Variants in LPGAT1 observed in about 807,000 individuals in gnomAD.
The protein encoded by LPGAT1 is lysophosphatidylglycerol acyltransferase 1.
A neutral mutation model predicts 47.5 loss-of-function variants in LPGAT1; 11 were observed. The observed-to-expected ratio is 0.23, with a 90% CI of 0.15 to 0.38. The LOEUF is 0.38. LPGAT1 is among the 10% of genes least tolerant of loss of function. The probability of loss-of-function intolerance (pLI) is 1.00; values close to 1 mark genes in which losing one functional copy is unlikely to be tolerated. For synonymous variants in LPGAT1, 138 were observed against 144.2 expected, an observed-to-expected ratio of 0.96 and a Z score of 0.31; for missense variants, 293 against 439.0, an observed-to-expected ratio of 0.67 and a Z score of 2.97.
chr1:211,771,098 C>CAA (rs370445381), intron 6 of LPGAT1, among the ~76,000 whole-genome samples: 119 of 95,438 alleles, frequency 1.2e-3, no homozygotes, highest in South Asian at 3.0e-3. Flanking sequence ...GACACTATCT[C>CAA]AAAAAAAAAA....
At chr1:211,755,643 C>T (rs1344663236) in intron 6 of LPGAT1, among the ~76,000 whole-genome samples, 2 of 151,202 alleles carry the variant, frequency 1.3e-5, no homozygotes, top group Admixed American at 6.6e-5. Flanking sequence ...TGGTGTCTCA[C>T]ACCTGTAATC....
At chr1:211,762,287 A>G (rs1657730451) in intron 6 of LPGAT1, among the ~76,000 whole-genome samples, 1 of 152,260 alleles carries the variant, frequency 6.6e-6, no homozygotes, top group African/African-American at 2.4e-5. Flanking sequence ...TGGGTTTACC[A>G]GTTGAATTCA....
chr1:211,820,284 A>G (rs1351009140), intron 2 of LPGAT1, among the ~76,000 whole-genome samples: 4 of 152,224 alleles, frequency 2.6e-5, no homozygotes, highest in African/African-American at 7.2e-5. Flanking sequence ...TCACAAGGAA[A>G]AAAAGGTAAC....
chr1:211,802,163 G>A (rs1659601401), intron 2 of LPGAT1, among the ~76,000 whole-genome samples: 1 of 151,482 alleles, frequency 6.6e-6, no homozygotes, highest in South Asian at 2.1e-4. Context: ...CTTCTTTGGA[G>A]TTTTCACTTC....
At chr1:211,769,147 G>A (rs1658059036) in intron 6 of LPGAT1, among the ~76,000 whole-genome samples, 1 of 152,114 alleles carries the variant, frequency 6.6e-6, no homozygotes, top group Non-Finnish European at 1.5e-5. Context: ...AGCGGACAAA[G>A]GTAAAAATAG....
At chr1:211,813,853 C>G (rs538760423) in intron 2 of LPGAT1, among the ~76,000 whole-genome samples, 1 of 152,250 alleles carries the variant, frequency 6.6e-6, no homozygotes, top group Non-Finnish European at 1.5e-5. Flanking sequence ...AAGAAAGAAC[C>G]ACAACCCCTG....
intron 6 of LPGAT1, among the ~76,000 whole-genome samples, chr1:211,767,406 G>A (rs1319090463): frequency 6.6e-6 from 1 of 152,160 alleles, no homozygotes; most frequent in Non-Finnish European, 1.5e-5. Context: ...AAAGTGCTGG[G>A]ATTACAGGCA....
chr1:211,799,368 G>T (rs1237876817), intron 2 of LPGAT1, among the ~76,000 whole-genome samples: 1 of 152,034 alleles, frequency 6.6e-6, no homozygotes, highest in Non-Finnish European at 1.5e-5. Flanking sequence ...ATTATTTTCT[G>T]ATTTAATCTT....
chr1:211,770,781 T>C lies in LPGAT1; in HGVS notation c.854+8137A>G, dbSNP rs373682988. On this transcript the variant is annotated intron_variant, in intron 6 of 7. Coordinates refer to ENST00000366997, the MANE Select transcript of LPGAT1 (RefSeq NM_014873.3). Reference sequence around the variant, plus strand: ...CTCCCAGTCCTACTAGCTCCATATATAGTAGGCGTATCATTTTAAGACTCT... The same window carrying C: ...CTCCCAGTCCTACTAGCTCCATATACAGTAGGCGTATCATTTTAAGACTCT... Among the ~76,000 whole-genome samples, 46 of 152,274 alleles carry C rather than the reference T, an allele frequency of 3.0e-4. 1 individual carries two copies. In the South Asian group the frequency reaches 8.9e-3, roughly 29 times the overall value.
chr1:211,794,591 C>T (rs750676428), intron 2 of LPGAT1, among the ~76,000 whole-genome samples: 6 of 152,198 alleles, frequency 3.9e-5, no homozygotes, highest in Non-Finnish European at 8.8e-5. Flanking sequence ...CAGACATGAG[C>T]CACTGCACTC....
intron 6 of LPGAT1, among the ~76,000 whole-genome samples, chr1:211,756,410 A>G (rs942234790): frequency 6.6e-6 from 1 of 152,152 alleles, no homozygotes; most frequent in Non-Finnish European, 1.5e-5. Context: ...AGCTCACAGC[A>G]GCCTTGACTT....
intron 7 of LPGAT1, among the ~76,000 whole-genome samples, chr1:211,750,698 C>T (rs1657141767): frequency 6.6e-6 from 1 of 152,088 alleles, no homozygotes; most frequent in Non-Finnish European, 1.5e-5. Flanking sequence ...TCTTTAAATT[C>T]GTTTCTGGAA....
chr1:211,817,362 C>T (rs1393876693), intron 2 of LPGAT1, among the ~76,000 whole-genome samples: 18 of 152,084 alleles, frequency 1.2e-4, no homozygotes, highest in Admixed American at 1.2e-3. Context: ...ACCTAAGGTC[C>T]GGAGTTCGAG....
At chr1:211,828,613 G>C (rs1469974149) in intron 2 of LPGAT1, among the ~76,000 whole-genome samples, 1 of 152,136 alleles carries the variant, frequency 6.6e-6, no homozygotes, top group Non-Finnish European at 1.5e-5. Context: ...AAGGCTAACA[G>C]TACAATATCA....
At chr1:211,784,126 C>G (rs1165843461) in intron 4 of LPGAT1, among the ~76,000 whole-genome samples, 1 of 152,050 alleles carries the variant, frequency 6.6e-6, no homozygotes, top group Non-Finnish European at 1.5e-5. Context: ...GCCAGTGTGG[C>G]TGAAGTGTGA....
At position 211,830,008 on chromosome 1, in the gene LPGAT1, C is replaced by T; in HGVS notation, c.-28+565G>A. 2 of 985,770 alleles carry T rather than the reference C, an allele frequency of 2.0e-6. No individual in the cohort carries two copies. Among genetic ancestry groups the T allele is most frequent in the Admixed American group, 6.1e-5 (1 of 16,274 alleles). The allele number at this position is 985,770 out of a possible 1,614,324, so 61.1% of individuals were successfully genotyped here. A position where few individuals can be genotyped will look rare whatever the true frequency, so the allele number is the denominator to read the frequency against. ...AGCAAAAGCCAGAAAGAGGTAAAAGCCAAGGAACTGGGGATGAAGAGAATG... is the reference window on the plus strand; with the variant it reads ...AGCAAAAGCCAGAAAGAGGTAAAAGTCAAGGAACTGGGGATGAAGAGAATG... On this transcript the variant is annotated intron_variant, in intron 1 of 7. Transcript: ENST00000366997. The surrounding 1 kb of genome is among the most constrained non-coding windows in gnomAD (Gnocchi z 5.9).
At chr1:211,760,768 C>T (rs949593207) in intron 6 of LPGAT1, among the ~76,000 whole-genome samples, 4 of 152,166 alleles carry the variant, frequency 2.6e-5, no homozygotes, top group South Asian at 2.1e-4. Context: ...TAATACATTA[C>T]GGTTCTAGAC....
intron 3 of LPGAT1, among the ~76,000 whole-genome samples, chr1:211,788,820 T>C (rs1159577467): frequency 2.0e-5 from 3 of 152,114 alleles, no homozygotes; most frequent in Non-Finnish European, 2.9e-5. Context: ...AAGAATGCAA[T>C]AAGCTCTACT....
chr1:211,793,207 G>T lies in LPGAT1; in HGVS notation c.239-17C>A. 6.5e-7 allele frequency: 1 copy of T among 1,529,068 alleles called. No individual in the cohort carries two copies. The highest frequency in any genetic ancestry group is 9.0e-7 in the Non-Finnish European group (1 of 1,111,390). The allele number at this position is 1,529,068 out of a possible 1,614,324, so 94.7% of individuals were successfully genotyped here. A position where few individuals can be genotyped will look rare whatever the true frequency, so the allele number is the denominator to read the frequency against. On this transcript the variant is annotated splice_polypyrimidine_tract_variant and intron_variant, in intron 2 of 7. Transcript: ENST00000366997. The stretch of plus-strand genomic sequence containing the variant: ...ATTCCATCACTGTAAGAACAAAAAA[G>T]TTTCAAAGCTGTCATTTTAAAGATT...
Sources: allele counts gnomAD v4.1 joint callset (sites outside exome capture counted in the v4.1 genomes callset), GRCh38; gene constraint gnomAD v4.1.1; non-coding constraint Gnocchi (gnomAD v3.1); transcripts MANE v1.5; gene names NCBI Gene and HGNC (gene_info 2026-07-23, HGNC 2026-07-21).